NPNT: variants seen among roughly 807,000 people sequenced by gnomAD.
NPNT encodes preosteoblast EGF-like repeat protein with MAM domain.
NPNT carries 45 observed loss-of-function variants against 68.6 expected under a neutral mutation model. The observed-to-expected ratio is 0.66, with a 90% CI of 0.52 to 0.84. NPNT has a LOEUF of 0.84. Ranked by LOEUF, NPNT falls within the 40% of genes least tolerant of loss-of-function variation. The pLI is 0.00. For missense variants in NPNT, 672 were observed against 714.8 expected (o/e 0.94, Z 0.68); for synonymous variants, 233 against 253.3 (o/e 0.92, Z 0.76).
intron 2 of NPNT, chr4:105,912,436 A>G (rs1727447112): frequency 4.2e-6 from 2 of 475,554 alleles, no homozygotes; most frequent in East Asian, 4.0e-5. Flanking sequence ...CCATTATTAC[A>G]TTAAACTTTT....
At chr4:105,945,404 A>G (rs1256322575) in intron 8 of NPNT, among the ~76,000 whole-genome samples, 1 of 152,182 alleles carries the variant, frequency 6.6e-6, no homozygotes, top group Non-Finnish European at 1.5e-5. Flanking sequence ...ATCCAGTTGG[A>G]TGAAAATAGA....
intron 2 of NPNT, among the ~76,000 whole-genome samples, chr4:105,910,297 G>A (rs1156271665): frequency 6.6e-6 from 1 of 152,248 alleles, no homozygotes; most frequent in South Asian, 2.1e-4. Flanking sequence ...TGAAGCAAGG[G>A]TTCTTAGGCA....
intron 8 of NPNT, among the ~76,000 whole-genome samples, chr4:105,957,730 AATTTGATTCTGCCTGG>A (rs1300950670): frequency 6.6e-6 from 1 of 152,164 alleles, no homozygotes; most frequent in African/African-American, 2.4e-5. Context: ...AAGAGGGAAG[AATTTGATTCTGCCTGG>A]GGCAGAATCA....
intron 3 of NPNT, among the ~76,000 whole-genome samples, chr4:105,931,355 G>A (rs996975016): frequency 6.6e-6 from 1 of 152,014 alleles, no homozygotes; most frequent in African/African-American, 2.4e-5. Flanking sequence ...CATGGTTTAT[G>A]TTTCATATGT....
intron 2 of NPNT, among the ~76,000 whole-genome samples, chr4:105,913,877 G>T (rs778192769): frequency 3.3e-5 from 5 of 152,096 alleles, no homozygotes; most frequent in Non-Finnish European, 5.9e-5. Context: ...CAGTGTTTGT[G>T]CTTGGGAAAT....
chr4:105,946,058 C>T (rs552630352), intron 8 of NPNT, among the ~76,000 whole-genome samples: 20 of 152,252 alleles, frequency 1.3e-4, no homozygotes, highest in Admixed American at 5.2e-4. Flanking sequence ...TTTAAAGTTA[C>T]GTGTACATTT....
intron 10 of NPNT, among the ~76,000 whole-genome samples, chr4:105,960,731 C>A (rs1470835754): frequency 6.6e-6 from 1 of 151,688 alleles, no homozygotes; most frequent in Admixed American, 6.6e-5. Flanking sequence ...GTCACAGATT[C>A]TGTGAATAAG....
intron 2 of NPNT, chr4:105,912,105 G>A (rs1727415820): frequency 3.2e-6 from 3 of 929,400 alleles, no homozygotes; most frequent in Non-Finnish European, 5.1e-6. Context: ...CTCCGGGAAT[G>A]TAACAAGTTG....
chr4:105,949,319 GA>G (rs1305608967), intron 8 of NPNT, among the ~76,000 whole-genome samples: 52 of 152,260 alleles, frequency 3.4e-4, no homozygotes, highest in African/African-American at 1.2e-3. Context: ...GAGTTTACTG[GA>G]ATCAACTTTA....
intron 8 of NPNT, among the ~76,000 whole-genome samples, chr4:105,949,097 C>A (rs565927410): frequency 6.6e-6 from 1 of 152,210 alleles, no homozygotes; most frequent in African/African-American, 2.4e-5. Context: ...AGCATTATTT[C>A]TCTGAAATAT....
chr4:105,967,726 TG>T (rs966968113), intron 11 of NPNT, among the ~76,000 whole-genome samples: 9 of 152,158 alleles, frequency 5.9e-5, no homozygotes, highest in African/African-American at 2.2e-4. Context: ...AAAGTTTTTT[TG>T]GTTTTTTTTA....
chr4:105,939,278 A>G (rs1244201618), intron 5 of NPNT, among the ~76,000 whole-genome samples: 1 of 152,244 alleles, frequency 6.6e-6, no homozygotes, highest in African/African-American at 2.4e-5. Context: ...TAAGACCTGT[A>G]TCATTAGCCA....
intron 8 of NPNT, among the ~76,000 whole-genome samples, chr4:105,949,511 G>A (rs1040347143): frequency 6.6e-6 from 1 of 152,134 alleles, no homozygotes; most frequent in Non-Finnish European, 1.5e-5. Context: ...AGCTATAAGT[G>A]GTGGTATGCC....
chr4:105,903,630 A>T (rs1726610276), intron 2 of NPNT, among the ~76,000 whole-genome samples: 1 of 152,198 alleles, frequency 6.6e-6, no homozygotes, highest in African/African-American at 2.4e-5. Flanking sequence ...ACTTTAAAAA[A>T]TATTTTACCT....
At chr4:105,904,278 T>C (rs970789321) in intron 2 of NPNT, among the ~76,000 whole-genome samples, 1 of 152,210 alleles carries the variant, frequency 6.6e-6, no homozygotes, top group African/African-American at 2.4e-5. Flanking sequence ...AATTTTTATA[T>C]GTGGTCAAAT....
At chr4:105,914,353 TTCTCTCTCTC>T (rs1261276610) in intron 2 of NPNT, among the ~76,000 whole-genome samples, 2 of 132,226 alleles carry the variant, frequency 1.5e-5, no homozygotes, top group Non-Finnish European at 3.2e-5. Flanking sequence ...TCTCTCTCCA[TTCTCTCTCTC>T]TCTCTCTCTC....
chr4:105,922,382 G>T (rs1728321854), intron 2 of NPNT, among the ~76,000 whole-genome samples: 1 of 136,674 alleles, frequency 7.3e-6, no homozygotes, highest in South Asian at 2.2e-4. Context: ...CATCACTTAA[G>T]ATGGATATTT....
chr4:105,954,754 A>G (rs892425110), intron 8 of NPNT, among the ~76,000 whole-genome samples: 1 of 152,080 alleles, frequency 6.6e-6, no homozygotes, highest in African/African-American at 2.4e-5. Context: ...TTCTTATGTC[A>G]TAGAGAAAGC....
In NPNT at chr4:105,897,941, T is replaced by C; in HGVS notation, c.112T>C (p.Tyr38His). 5 of 1,613,782 alleles carry C rather than the reference T, an allele frequency of 3.1e-6. No individual in the cohort carries two copies. Among genetic ancestry groups the C allele is most frequent in the Non-Finnish European group, 4.2e-6 (5 of 1,179,868 alleles). Reference sequence around the variant, plus strand: ...AGTGTCATCGATTGGCCTATGTCGTTATGGTGGGAGGATTGACTGCTGCTG... The same window carrying C: ...AGTGTCATCGATTGGCCTATGTCGTCATGGTGGGAGGATTGACTGCTGCTG... ...QIVSSIGLCR[Y>H]GGRIDCCWGW... The change falls in exon 2 of 12, where the codon TAT (tyrosine) becomes CAT (histidine). Residue 38 changes from tyrosine to histidine, a missense_variant. Physicochemically the swap from Tyr to His is moderately conservative, Grantham distance 83 (BLOSUM62 2). Transcript: ENST00000379987.
Sources: gnomAD v4.1 joint callset for allele counts (sites outside exome capture counted in the v4.1 genomes callset) on GRCh38, gnomAD v4.1.1 for gene constraint, MANE v1.5 for transcripts, NCBI Gene and HGNC (gene_info 2026-07-23, HGNC 2026-07-21) for gene names.